Variants in ZNF43 observed in about 807,000 individuals in gnomAD.
The protein encoded by ZNF43 is zinc finger protein 43.
Under a neutral mutation model 68.4 loss-of-function variants are expected in ZNF43, and 44 were observed. That is an observed-to-expected ratio of 0.64 (90% CI 0.51 to 0.83). The LOEUF is 0.83. ZNF43 is among the 40% of genes least tolerant of loss of function. The pLI, the probability that ZNF43 is intolerant of heterozygous loss-of-function variation, is 0.00. For synonymous variants in ZNF43, 308 were observed against 307.8 expected, an observed-to-expected ratio of 1.00 and a Z score of -0.01; for missense variants, 896 against 933.2, an observed-to-expected ratio of 0.96 and a Z score of 0.52.
At chr19:21,843,439 T>C in intron 1 of ZNF43, 1 of 946,184 alleles carries the variant, frequency 1.1e-6, no homozygotes, top group Non-Finnish European at 1.3e-6. Context: ...CATCTCAATG[T>C]AGATGAATCC....
In ZNF43 at chr19:21,835,674, G is replaced by C. The variant is rs530897085; in HGVS notation, c.3+362C>G. On this transcript the variant is annotated intron_variant, in intron 1 of 3. Transcript: ENST00000354959. ...CCGGCCGACTCTCCTGTTTCTAATA[G>C]ACCAAAAGAGGGACTAGAAATGCCA... 1.7e-4 allele frequency among the ~76,000 whole-genome samples: 26 copies of C among 152,148 alleles called. 1 individual carries two copies. In the South Asian group the frequency reaches 5.4e-3, roughly 32 times the overall value.
At chr19:21,824,209 G>A (rs2037997266) in intron 1 of ZNF43, among the ~76,000 whole-genome samples, 1 of 152,042 alleles carries the variant, frequency 6.6e-6, no homozygotes, top group South Asian at 2.1e-4. Context: ...GAACTGCCCT[G>A]GTAGAGCTCC....
chr19:21,835,222 C>T lies in ZNF43; in HGVS notation c.3+814G>A, dbSNP rs1451108417. Among the ~76,000 whole-genome samples, 15 of 132,114 alleles carry T rather than the reference C, an allele frequency of 1.1e-4. No homozygotes were observed. The Admixed American group carries it at 1.2e-3, about 10-fold the overall frequency. The allele number at this position is 132,114 out of a possible 152,430, so 86.7% of individuals were successfully genotyped here. ...CGAGATAGCACCATTGCACTCCAGC[C>T]TGGGCAGCAAAAGCGAAAGTCCATC... On this transcript the variant is annotated intron_variant, in intron 1 of 3. Transcript: ENST00000354959.
rs934564776 is a variant in ZNF43, at chr19:21,806,117, C to T, written c.*1490G>A. 1.4e-4 allele frequency: 22 copies of T among 151,890 alleles called. No homozygotes were observed. Among genetic ancestry groups the T allele is most frequent in the African/African-American group, 4.3e-4 (18 of 41,434 alleles). The allele number at this position is 151,890 out of a possible 1,614,324, so 9.4% of individuals were successfully genotyped here. A position where few individuals can be genotyped will look rare whatever the true frequency, so the allele number is the denominator to read the frequency against. ...CTGAAAACCTATCTCCTGCATCACT[C>T]CTTTATAAGTTAACCACAAAGAGCC... is the stretch of plus-strand genomic sequence containing the variant. On this transcript the variant is annotated 3_prime_UTR_variant, in exon 4 of 4. Coordinates refer to ENST00000354959, the MANE Select transcript of ZNF43 (RefSeq NM_003423.4).
intron 1 of ZNF43, among the ~76,000 whole-genome samples, chr19:21,851,705 G>GCTCCA (rs1312512482): frequency 2.0e-5 from 3 of 152,192 alleles, no homozygotes; most frequent in Admixed American, 2.0e-4. Context: ...TGACCAGAGA[G>GCTCCA]CTCCAGACAG....
At chr19:21,836,595 T>C (rs1159389989), upstream of ZNF43, among the ~76,000 whole-genome samples, 1 of 152,216 alleles carries the variant, frequency 6.6e-6, no homozygotes, top group African/African-American at 2.4e-5. Flanking sequence ...CTGTGGGGTT[T>C]TTCTTATTCT....
rs1401189158 is a variant in ZNF43 at position 21,809,264 on chromosome 19, T to C, written c.773A>G (p.Tyr258Cys). 3.1e-6 allele frequency: 5 copies of C among 1,613,576 alleles called. No individual in the cohort carries two copies. In the African/African-American group the frequency reaches 5.3e-5, roughly 17 times the overall value. Residue 258 changes from tyrosine to cysteine, a missense_variant, in exon 4 of 4, where the codon TAC (tyrosine) becomes TGC (cysteine). By Grantham distance (194) the Tyr-to-Cys change is radical. Coordinates refer to ENST00000354959, the MANE Select transcript of ZNF43 (RefSeq NM_003423.4). ...AGCTTTGCCACATTCTTCACATTTG[T>C]AGAGTTTGTATCTAGTATAATTTTT... ...HKKNYTRYKL[Y>C]KCEECGKAFN...
chr19:21,816,292 G>A (rs1467377219), intron 3 of ZNF43, among the ~76,000 whole-genome samples: 1 of 152,080 alleles, frequency 6.6e-6, no homozygotes, highest in East Asian at 1.9e-4. Context: ...TTCAGGTCAG[G>A]AATTTAAGAT....
intron 1 of ZNF43, among the ~76,000 whole-genome samples, chr19:21,849,515 A>AAAAAAG (rs1260266835): frequency 2.1e-5 from 3 of 145,226 alleles, no homozygotes; most frequent in East Asian, 2.1e-4. Context: ...AAAAAAAAAA[A>AAAAAAG]GTGGTAATTC....
chr19:21,841,253 A>G (rs947100177), intron 1 of ZNF43: 1 of 152,264 alleles, frequency 6.6e-6, no homozygotes, highest in Non-Finnish European at 1.5e-5. Flanking sequence ...GCTAAAGTGT[A>G]TGTCACAATC....
In ZNF43 at chr19:21,808,027, T is replaced by A. The variant is rs747973847; in HGVS notation, c.2010A>T (p.Ile670=). 4 of 1,612,158 alleles carry A rather than the reference T, an allele frequency of 2.5e-6. No individual in the cohort carries two copies. In the East Asian group the frequency reaches 8.9e-5, roughly 36 times the overall value. The change falls in exon 4 of 4, where the codon ATA becomes ATT. Residue 670 remains isoleucine, a synonymous_variant. Transcript: ENST00000354959. ...TGTAGGGTTTCTCTCCAGTATGAAT[T>A]ATCTTATGTTTAGTAAGGGTTGAGG... ...KWSSTLTKHK[I]IHTGEKPYKC... is the part of the protein sequence containing the mutation.
chr19:21,825,994 G>C (rs1360238299), intron 1 of ZNF43, among the ~76,000 whole-genome samples: 1 of 152,030 alleles, frequency 6.6e-6, no homozygotes. Flanking sequence ...GGTTGCAGTA[G>C]GCCGAGATGG....
rs921368811 is a variant in ZNF43, at chr19:21,851,931, G to C, written c.4C>G (p.Pro2Ala). Reference sequence around the variant, plus strand: ...ATTTCCCAGCTTCCAGGATGTCCGGGCATCTTAGCTGTGCGTCTCCCAGGA... The same window carrying C: ...ATTTCCCAGCTTCCAGGATGTCCGGCCATCTTAGCTGTGCGTCTCCCAGGA... Residue 2 changes from proline to alanine, a missense_variant, in exon 1 of 4, where the codon CCC (proline) becomes GCC (alanine). Coordinates refer to the ZNF43 transcript ENST00000357491. 4.4e-6 allele frequency: 7 copies of C among 1,575,352 alleles called. No homozygotes were observed. In the South Asian group the frequency reaches 6.9e-5, roughly 16 times the overall value.
upstream of ZNF43, among the ~76,000 whole-genome samples, chr19:21,837,169 TAAA>T (rs1196712456): frequency 6.6e-6 from 1 of 152,034 alleles, no homozygotes; most frequent in African/African-American, 2.4e-5. Flanking sequence ...ATGTAAAACA[TAAA>T]AATATAGAAA....
At chr19:21,825,626 A>ACTTTTTTTTTTTTTTT (rs2038081252) in intron 1 of ZNF43, among the ~76,000 whole-genome samples, 1 of 152,132 alleles carries the variant, frequency 6.6e-6, no homozygotes, top group African/African-American at 2.4e-5. Context: ...AGTTTAGGGC[A>ACTTTTTTTTTTTTTTT]TTTTTAGCAA....
chr19:21,816,429 C>T (rs1304789046), intron 3 of ZNF43, among the ~76,000 whole-genome samples: 2 of 152,118 alleles, frequency 1.3e-5, no homozygotes, highest in Non-Finnish European at 2.9e-5. Flanking sequence ...TTTCAGAAGG[C>T]AGGCTCTCAT....
At position 21,828,345 on chromosome 19, in the gene ZNF43, C is replaced by G. The variant is rs1458104154; in HGVS notation, c.3+7691G>C. On this transcript the variant is annotated intron_variant, in intron 1 of 3. Transcript: ENST00000354959. ...CTGTAATCCCAGCACTTTGGGAGGC[C>G]AAGGCGGGCATACCACAAGGTCAGG... is the stretch of plus-strand genomic sequence containing the variant. Among the ~76,000 whole-genome samples, 3 of 151,732 alleles carry G rather than the reference C, an allele frequency of 2.0e-5. No homozygotes were observed. In the East Asian group the frequency reaches 5.8e-4, roughly 29 times the overall value.
At chr19:21,842,278 G>A (rs1284370411) in intron 1 of ZNF43, among the ~76,000 whole-genome samples, 4 of 151,702 alleles carry the variant, frequency 2.6e-5, no homozygotes, top group Non-Finnish European at 5.9e-5. Context: ...GTATGGTGGT[G>A]CATGCCTGTA....
intron 1 of ZNF43, among the ~76,000 whole-genome samples, chr19:21,830,802 A>C (rs1040383892): frequency 2.0e-5 from 3 of 152,156 alleles, no homozygotes; most frequent in African/African-American, 7.2e-5. Context: ...AAAACAAAAA[A>C]AGAAAACTTC....
Sources: gnomAD v4.1 joint callset for allele counts (sites outside exome capture counted in the v4.1 genomes callset) on GRCh38, gnomAD v4.1.1 for gene constraint, MANE v1.5 for transcripts, NCBI Gene and HGNC (gene_info 2026-07-23, HGNC 2026-07-21) for gene names.